The following ASB8 variants were observed in gnomAD, a reference collection of about 807,000 sequenced individuals.
ASB8 encodes ankyrin repeat and SOCS box containing 8.
Under a neutral mutation model 22.9 loss-of-function variants are expected in ASB8, and 15 were observed. The observed-to-expected ratio is 0.66, with a 90% confidence interval of 0.44 to 1.01. The LOEUF (loss-of-function observed/expected upper bound fraction) is 1.01, where lower values mean the gene tolerates loss of function less well. Ranked by LOEUF, ASB8 falls within the 50% of genes least tolerant of loss-of-function variation. ASB8 has a pLI of 0.00. For synonymous variants in ASB8, 124 were observed against 140.8 expected (o/e 0.88, Z 0.84); for missense variants, 294 against 356.9 (o/e 0.82, Z 1.42).
At position 48,148,663 on chromosome 12, in the gene ASB8, T is replaced by TTTG. The variant is rs1278144410; in HGVS notation, c.*702_*703insCAA. ...TTCACAGATCAATTAAAATGGTTTT[T>TTTG]TTTTTTTTTTTTTTTTTTTGAGACA... On this transcript the variant is annotated 3_prime_UTR_variant, in exon 4 of 4. Coordinates refer to ENST00000317697, the MANE Select transcript of ASB8 (RefSeq NM_024095.5). 1 of 144,718 alleles carries TTTG rather than the reference T, an allele frequency of 6.9e-6. No individual in the cohort carries two copies. The highest frequency in any genetic ancestry group is 1.5e-5 in the Non-Finnish European group (1 of 65,742). The allele number at this position is 144,718 out of a possible 1,614,324, so 9.0% of individuals were successfully genotyped here.
Position 48,150,016 on chromosome 12 carries a change from C to G in ASB8, c.235-18G>C. ...GCATTCACCTGTAAAAAGGGAGGAA[C>G]TATTACAGTAGACAGACTACTGAGA... On this transcript the variant is annotated intron_variant, in intron 3 of 3. Transcript: ENST00000317697. 6.2e-7 allele frequency: 1 copy of G among 1,606,426 alleles called. No individual in the cohort carries two copies. Among genetic ancestry groups the G allele is most frequent in the Non-Finnish European group, 8.5e-7 (1 of 1,173,342 alleles).
At chr12:48,155,729 C>CA (rs1219893101) in intron 1 of ASB8, among the ~76,000 whole-genome samples, 2,378 of 107,708 alleles carry the variant, frequency 0.022, 34 homozygotes, top group Non-Finnish European at 0.028. Context: ...GACTCCATCT[C>CA]AAAAAAAAAA....
At chr12:48,150,130 C>T (rs1951176347) in intron 3 of ASB8, 132 bp from the exon 4 acceptor site, 4 of 921,056 alleles carry the variant, frequency 4.3e-6, no homozygotes, top group South Asian at 1.3e-5. Context: ...GCAAGCAACT[C>T]CCAGGGAGTC....
Position 48,149,432 on chromosome 12 carries a change from G to A in ASB8, c.801C>T (p.Leu267=). The change falls in exon 4 of 4, where the codon CTC becomes CTT. Residue 267 remains leucine, a synonymous_variant. Coordinates refer to ENST00000317697, the MANE Select transcript of ASB8 (RefSeq NM_024095.5). ...AVRRSLGLQY[L]PDAVKGLPLP... ...GTGGAAGGCCCTTCACTGCATCGGG[G>A]AGATACTGGAGTCCCAGGCTACGGC... The A allele has an allele frequency of 6.2e-7, 1 of 1,614,008 alleles. No individual in the cohort carries two copies. The highest frequency in any genetic ancestry group is 1.7e-5 in the Admixed American group (1 of 60,022).
chr12:48,151,727 A>G (rs1183231004), intron 2 of ASB8: 2 of 952,388 alleles, frequency 2.1e-6, no homozygotes, highest in African/African-American at 1.7e-5. Flanking sequence ...TCTTTTGTCC[A>G]TTCAACAAAT....
intron 2 of ASB8, among the ~76,000 whole-genome samples, chr12:48,152,083 C>T (rs376565148): frequency 6.7e-6 from 1 of 149,882 alleles, no homozygotes. Flanking sequence ...ACCTGGGAGG[C>T]GGAGGTTGCA....
At chr12:48,150,269 CT>C (rs1951178986) in intron 3 of ASB8, 1 of 686,910 alleles carries the variant, frequency 1.5e-6, no homozygotes, top group Admixed American at 2.1e-5. Flanking sequence ...CTGCAATGTT[CT>C]TTTATCTATT....
At chr12:48,152,566 T>G (rs1459937678) in intron 2 of ASB8, among the ~76,000 whole-genome samples, 1 of 152,226 alleles carries the variant, frequency 6.6e-6, no homozygotes, top group Non-Finnish European at 1.5e-5. Context: ...AAACTATAAT[T>G]ACCATGCATT....
intron 2 of ASB8, chr12:48,151,601 A>C (rs1469763219): frequency 6.9e-7 from 1 of 1,439,116 alleles, no homozygotes; most frequent in Non-Finnish European, 9.2e-7. Context: ...GTATCAAAGC[A>C]CTGGAAACCT....
intron 1 of ASB8, among the ~76,000 whole-genome samples, chr12:48,156,319 G>A (rs1171996173): frequency 6.6e-6 from 1 of 152,052 alleles, no homozygotes; most frequent in Non-Finnish European, 1.5e-5. Context: ...TTTAGATTTG[G>A]CATGTGTTTT....
intron 1 of ASB8, among the ~76,000 whole-genome samples, chr12:48,155,742 A>AAAAT (rs371161682): frequency 7.8e-5 from 9 of 114,940 alleles, no homozygotes; most frequent in Admixed American, 3.2e-4. Flanking sequence ...AAAAAAAAAA[A>AAAAT]ATATATATAT....
In ASB8 at chr12:48,153,530, C is replaced by A. The variant is rs537342888; in HGVS notation, c.-33-1G>T. The A allele has an allele frequency of 6.2e-7, 1 of 1,610,542 alleles. No homozygotes were observed. The highest frequency in any genetic ancestry group is 1.7e-5 in the Admixed American group (1 of 59,964). On this transcript the variant is annotated splice_acceptor_variant, in intron 1 of 3. Coordinates refer to ENST00000317697, the MANE Select transcript of ASB8 (RefSeq NM_024095.5). LOFTEE classifies it low-confidence loss of function (5UTR_SPLICE). ...AAGGTGTTCACATGCTCCAAACTGCCTGAAACAAAGAAGTTTTCGGCATAT... is the reference window on the plus strand; with the variant it reads ...AAGGTGTTCACATGCTCCAAACTGCATGAAACAAAGAAGTTTTCGGCATAT...
At chr12:48,154,332 T>A (rs566944197) in intron 1 of ASB8, among the ~76,000 whole-genome samples, 98 of 151,438 alleles carry the variant, frequency 6.5e-4, no homozygotes, top group Middle Eastern at 3.4e-3. Context: ...TACAAAAAAA[T>A]TAGCTGGACG....
At position 48,149,149 on chromosome 12, in the gene ASB8, A is replaced by G; in HGVS notation, c.*217T>C. ...CAAAATGCAATATAAAAAGCCAGGT[A>G]AGCAATAAACAGAAAACAAAAGTGA... On this transcript the variant is annotated 3_prime_UTR_variant, in exon 4 of 4. Coordinates refer to ENST00000317697, the MANE Select transcript of ASB8 (RefSeq NM_024095.5). 1.7e-6 allele frequency: 1 copy of G among 577,464 alleles called. No individual in the cohort carries two copies. The highest frequency in any genetic ancestry group is 4.6e-4 in the Middle Eastern group (1 of 2,182). The allele number at this position is 577,464 out of a possible 1,614,324, so 35.8% of individuals were successfully genotyped here. A position where few individuals can be genotyped will look rare whatever the true frequency, so the allele number is the denominator to read the frequency against.
At chr12:48,151,920 G>A (rs1951209616) in intron 2 of ASB8, among the ~76,000 whole-genome samples, 1 of 152,186 alleles carries the variant, frequency 6.6e-6, no homozygotes, top group Non-Finnish European at 1.5e-5. Flanking sequence ...GGGAGGCTGA[G>A]GTGGGCAGAT....
rs555769924 is a variant in ASB8, at chr12:48,150,751, A to G, written c.234+450T>C. On this transcript the variant is annotated intron_variant, in intron 3 of 3. Transcript: ENST00000317697. ...TCAACCTTTTATTTGGCTAAAACCT[A>G]TCTTAAGTACCACTTCTTAAGTACT... is the stretch of plus-strand genomic sequence containing the variant. Among the ~76,000 whole-genome samples the G allele has an allele frequency of 5.3e-5, 8 of 152,378 alleles. No homozygotes were observed. In the South Asian group the frequency reaches 1.7e-3, roughly 32 times the overall value.
At chr12:48,153,695 G>A in intron 1 of ASB8, 166 bp from the exon 2 acceptor site, 1 of 483,894 alleles carries the variant, frequency 2.1e-6, no homozygotes. Flanking sequence ...CTAGGGAGTT[G>A]GATAAACCTG....
In ASB8 at chr12:48,149,482, T is replaced by A. The variant is rs1434097591; in HGVS notation, c.751A>T (p.Lys251Ter). Reference protein sequence around the residue: ...TVLCSAPGTLKTLARYAVRRS... With the variant: ...TVLCSAPGTL ...CGCACGGCATAGCGAGCGAGTGTTTTTAGAGTTCCTGGAGCTGAGCACAGA... is the reference window on the plus strand; with the variant it reads ...CGCACGGCATAGCGAGCGAGTGTTTATAGAGTTCCTGGAGCTGAGCACAGA... Residue 251 changes from lysine to a stop codon, truncating the protein, a stop_gained, in exon 4 of 4, where the codon AAA becomes TAA. Coordinates refer to ENST00000317697, the MANE Select transcript of ASB8 (RefSeq NM_024095.5). LOFTEE classifies it high-confidence loss of function. 2 of 1,614,194 alleles carry A rather than the reference T, an allele frequency of 1.2e-6. No individual in the cohort carries two copies. Among genetic ancestry groups the A allele is most frequent in the South Asian group, 1.1e-5 (1 of 91,084 alleles).
chr12:48,153,391 T>C lies in ASB8; in HGVS notation c.106A>G (p.Asn36Asp), dbSNP rs374413605. 1.9e-5 allele frequency: 30 copies of C among 1,613,828 alleles called. No homozygotes were observed. The highest frequency in any genetic ancestry group is 1.6e-4 in the Middle Eastern group (1 of 6,082). The change falls in exon 2 of 4, where the codon AAT (asparagine) becomes GAT (aspartate). Residue 36 changes from asparagine (N) to aspartate (D), a missense_variant. By Grantham distance (23) the Asn-to-Asp change is conservative. Transcript: ENST00000317697. ...ACCCCTCTGATGAGGTCCTCTACAT[T>C]ATCATGTGGGAAGGAACGGATGGCA... ...IAAIRSFPHD[N>D]VEDLIRGGAD...
Sources: allele counts gnomAD v4.1 joint callset (sites outside exome capture counted in the v4.1 genomes callset), GRCh38; gene constraint gnomAD v4.1.1; transcripts MANE v1.5; gene names NCBI Gene and HGNC (gene_info 2026-07-23, HGNC 2026-07-21).